The following DOK6 variants were observed in gnomAD, a reference collection of about 807,000 sequenced individuals.
DOK6 encodes the protein docking protein 6, also known as downstream of tyrosine kinase 6.
Under a neutral mutation model 44.0 loss-of-function variants are expected in DOK6, and 22 were observed. The ratio of observed to expected loss-of-function variants is 0.50; its 90% confidence interval spans 0.36 to 0.71. DOK6 has a LOEUF of 0.71. Ranked by LOEUF, DOK6 falls within the 30% of genes least tolerant of loss-of-function variation. The probability of loss-of-function intolerance (pLI) is 0.00; values close to 1 mark genes in which losing one functional copy is unlikely to be tolerated. For missense variants in DOK6, 340 were observed against 416.4 expected, an observed-to-expected ratio of 0.82 and a Z score of 1.60; for synonymous variants, 166 against 145.5, an observed-to-expected ratio of 1.14 and a Z score of -1.01.
chr18:69,432,218 G>A (rs756216974), intron 1 of DOK6, among the ~76,000 whole-genome samples: 5 of 152,160 alleles, frequency 3.3e-5, no homozygotes, highest in Non-Finnish European at 7.3e-5. Context: ...CAATGCATGA[G>A]GATTACTTGA....
intron 1 of DOK6, among the ~76,000 whole-genome samples, chr18:69,504,153 G>C (rs1981121398): frequency 6.6e-6 from 1 of 151,902 alleles, no homozygotes; most frequent in Non-Finnish European, 1.5e-5. Flanking sequence ...CTGTCATTTT[G>C]TCTAGGCAGC....
intron 4 of DOK6, among the ~76,000 whole-genome samples, chr18:69,695,166 CA>C (rs1438626573): frequency 6.6e-6 from 1 of 152,238 alleles, no homozygotes; most frequent in Non-Finnish European, 1.5e-5. Context: ...CACAAATCAA[CA>C]GTTCTCAAAG....
At chr18:69,654,344 G>A (rs542198629) in intron 3 of DOK6, among the ~76,000 whole-genome samples, 1 of 152,204 alleles carries the variant, frequency 6.6e-6, no homozygotes, top group African/African-American at 2.4e-5. Context: ...AAACAAATCC[G>A]GGTTGCTGTG....
intron 4 of DOK6, among the ~76,000 whole-genome samples, chr18:69,695,553 A>G (rs201155010): frequency 6.6e-6 from 1 of 152,234 alleles, no homozygotes; most frequent in East Asian, 1.9e-4. Context: ...TCAGTAAAAC[A>G]AAGTGTATTA....
intron 5 of DOK6, among the ~76,000 whole-genome samples, chr18:69,718,825 G>C (rs1986940957): frequency 6.6e-6 from 1 of 151,496 alleles, no homozygotes; most frequent in African/African-American, 2.4e-5. Flanking sequence ...CCATTGACCT[G>C]GATAAATACT....
intron 6 of DOK6, 152 bp from the exon 7 acceptor site, chr18:69,757,604 T>C: frequency 1.6e-6 from 1 of 643,708 alleles, no homozygotes; most frequent in Non-Finnish European, 2.7e-6. Context: ...GAGTAATGAT[T>C]TTACTTTAAA....
intron 3 of DOK6, among the ~76,000 whole-genome samples, chr18:69,652,987 C>T (rs1049764844): frequency 3.3e-5 from 5 of 152,254 alleles, no homozygotes; most frequent in East Asian, 1.9e-4. Context: ...GAAAGATTCA[C>T]GATGGAATTC....
In DOK6 at chr18:69,819,149, T is replaced by C. The variant is rs1012659835; in HGVS notation, c.857-22095T>C. On this transcript the variant is annotated intron_variant, in intron 7 of 7. Transcript: ENST00000382713. Reference sequence around the variant, plus strand: ...TCTCCATAAGAGTAAACTCTTTTTCTATTGTGGAGTTCCATATATTTCTTA... The same window carrying C: ...TCTCCATAAGAGTAAACTCTTTTTCCATTGTGGAGTTCCATATATTTCTTA... Among the ~76,000 whole-genome samples, 13 of 152,314 alleles carry C rather than the reference T, an allele frequency of 8.5e-5. 1 individual carries two copies. The highest frequency in any genetic ancestry group is 3.9e-4 in the Admixed American group (6 of 15,282).
intron 4 of DOK6, among the ~76,000 whole-genome samples, chr18:69,689,278 C>G (rs1401245096): frequency 6.6e-6 from 1 of 152,126 alleles, no homozygotes; most frequent in Non-Finnish European, 1.5e-5. Flanking sequence ...TCAAAACTAA[C>G]AGAACATTAT....
chr18:69,738,829 C>A, intron 5 of DOK6, 136 bp from the exon 6 acceptor site: 1 of 1,066,730 alleles, frequency 9.4e-7, no homozygotes, highest in Non-Finnish European at 1.3e-6. Flanking sequence ...GGTTTGGTTA[C>A]GGCTGAATCA....
intron 1 of DOK6, among the ~76,000 whole-genome samples, chr18:69,416,601 G>T (rs1275609462): frequency 6.6e-6 from 1 of 152,054 alleles, no homozygotes; most frequent in African/African-American, 2.4e-5. Flanking sequence ...ACCCCAGTAT[G>T]GCCCATTTAG....
At chr18:69,829,764 T>C (rs1201583254) in intron 7 of DOK6, among the ~76,000 whole-genome samples, 1 of 151,796 alleles carries the variant, frequency 6.6e-6, no homozygotes, top group Non-Finnish European at 1.5e-5. Flanking sequence ...TGAAATACTT[T>C]CTATAGGAAA....
At chr18:69,539,023 A>G (rs966879826) in intron 1 of DOK6, among the ~76,000 whole-genome samples, 8 of 152,206 alleles carry the variant, frequency 5.3e-5, no homozygotes, top group Non-Finnish European at 8.8e-5. Context: ...GCTCTTTCAA[A>G]CATAAACAGA....
intron 7 of DOK6, among the ~76,000 whole-genome samples, chr18:69,787,637 A>G (rs1980470724): frequency 6.6e-6 from 1 of 152,172 alleles, no homozygotes; most frequent in Non-Finnish European, 1.5e-5. Context: ...ATTCCTAGAT[A>G]TTCCATTATG....
chr18:69,803,033 A>C (rs980665956), intron 7 of DOK6, among the ~76,000 whole-genome samples: 4 of 152,130 alleles, frequency 2.6e-5, no homozygotes, highest in African/African-American at 7.2e-5. Flanking sequence ...TAGCTATTAA[A>C]TGATATATGA....
chr18:69,651,118 C>A (rs1985213754), intron 3 of DOK6, among the ~76,000 whole-genome samples: 1 of 152,168 alleles, frequency 6.6e-6, no homozygotes, highest in South Asian at 2.1e-4. Flanking sequence ...AAGTCATCAT[C>A]ATAGCATGCT....
chr18:69,738,997 T>C lies in DOK6; in HGVS notation c.632T>C (p.Phe211Ser), dbSNP rs2144737821. The change falls in exon 6 of 8, where the codon TTT (phenylalanine) becomes TCT (serine). Residue 211 changes from phenylalanine (F) to serine (S), a missense_variant. Transcript: ENST00000382713. Reference sequence around the variant, plus strand: ...GACACAGGAGAAGGACTATTCACTTTTCAAACAAGGGAAGGAGAAATGATC... The same window carrying C: ...GACACAGGAGAAGGACTATTCACTTCTCAAACAAGGGAAGGAGAAATGATC... ...MCDTGEGLFT[F>S]QTREGEMIYQ... is the part of the protein sequence containing the mutation. 1.2e-6 allele frequency: 2 copies of C among 1,614,066 alleles called. No individual in the cohort carries two copies. The highest frequency in any genetic ancestry group is 2.2e-5 in the East Asian group (1 of 44,884).
intron 3 of DOK6, among the ~76,000 whole-genome samples, chr18:69,632,218 A>C (rs1293250108): frequency 6.6e-6 from 1 of 152,190 alleles, no homozygotes; most frequent in Non-Finnish European, 1.5e-5. Context: ...TTGGCTCAGC[A>C]AATAGACGGT....
intron 1 of DOK6, among the ~76,000 whole-genome samples, chr18:69,496,995 G>C (rs897737792): frequency 6.6e-6 from 1 of 152,118 alleles, no homozygotes; most frequent in African/African-American, 2.4e-5. Context: ...AATGTACTAG[G>C]CATTGTTCTA....
Sources: gnomAD v4.1 joint callset for allele counts (sites outside exome capture counted in the v4.1 genomes callset) on GRCh38, gnomAD v4.1.1 for gene constraint, MANE v1.5 for transcripts, NCBI Gene and HGNC (gene_info 2026-07-23, HGNC 2026-07-21) for gene names.